Variants in SLIT2 observed in about 807,000 individuals in gnomAD.
The protein encoded by SLIT2 is slit homolog 2 protein.
SLIT2 carries 41 observed loss-of-function variants against 185.7 expected under a neutral mutation model. The ratio of observed to expected loss-of-function variants is 0.22; its 90% confidence interval spans 0.17 to 0.29. SLIT2 has a LOEUF of 0.29. SLIT2 is among the 10% of genes least tolerant of loss of function. The probability of loss-of-function intolerance (pLI) is 1.00; values close to 1 mark genes in which losing one functional copy is unlikely to be tolerated. For missense variants in SLIT2, 1,571 were observed against 1,909.0 expected, an observed-to-expected ratio of 0.82 and a Z score of 3.30; for synonymous variants, 693 against 680.2, an observed-to-expected ratio of 1.02 and a Z score of -0.29.
rs556541446 is a variant in SLIT2 at position 20,298,813 on chromosome 4, A to G, written c.395+29932A>G. ...TTTGTTTTCCCCTTCACAATGTCTT[A>G]TTTCAATAAAAACTTTATAGTTTTT... On this transcript the variant is annotated intron_variant, in intron 4 of 36. Coordinates refer to ENST00000504154, the MANE Select transcript of SLIT2 (RefSeq NM_004787.4). 2.8e-4 allele frequency among the ~76,000 whole-genome samples: 42 copies of G among 152,246 alleles called. 1 individual carries two copies. The South Asian group carries it at 8.5e-3, about 31-fold the overall frequency.
chr4:20,358,854 A>G (rs1398015918), intron 4 of SLIT2, among the ~76,000 whole-genome samples: 6 of 152,156 alleles, frequency 3.9e-5, no homozygotes, highest in African/African-American at 1.4e-4. Context: ...GGATTGTTCA[A>G]GTCAATAGTG....
intron 9 of SLIT2, among the ~76,000 whole-genome samples, chr4:20,503,149 T>A (rs1204229614): frequency 6.6e-6 from 1 of 152,200 alleles, no homozygotes; most frequent in Non-Finnish European, 1.5e-5. Flanking sequence ...TGTTATAGAT[T>A]GATGATTAAT....
chr4:20,457,001 A>G (rs528393153), intron 4 of SLIT2, among the ~76,000 whole-genome samples: 1 of 152,146 alleles, frequency 6.6e-6, no homozygotes, highest in Non-Finnish European at 1.5e-5. Context: ...AGAGCAAGTC[A>G]TCATTGTTTT....
At chr4:20,472,363 TAG>T (rs1715314056) in intron 5 of SLIT2, among the ~76,000 whole-genome samples, 1 of 41,120 alleles carries the variant, frequency 2.4e-5, no homozygotes, top group African/African-American at 1.1e-4. Flanking sequence ...GATATCTATA[TAG>T]ATATCTATAT....
At chr4:20,482,313 A>G (rs1465317888) in intron 6 of SLIT2, among the ~76,000 whole-genome samples, 1 of 152,022 alleles carries the variant, frequency 6.6e-6, no homozygotes, top group African/African-American at 2.4e-5. Flanking sequence ...CCTTGTTATT[A>G]AGTTTTCAGA....
At chr4:20,561,539 CA>C (rs1724692335) in intron 26 of SLIT2, among the ~76,000 whole-genome samples, 1 of 151,580 alleles carries the variant, frequency 6.6e-6, no homozygotes, top group Non-Finnish European at 1.5e-5. Context: ...CAACCTAAAG[CA>C]ATGAAAAATT....
chr4:20,542,812 C>CTGTGTGTGTG (rs753747459), intron 21 of SLIT2, among the ~76,000 whole-genome samples, 186 bp downstream of exon 21: 41 of 111,050 alleles, frequency 3.7e-4, no homozygotes, highest in African/African-American at 7.0e-4. Flanking sequence ...TTGGGAATTG[C>CTGTGTGTGTG]TGTGTGTGTG....
At chr4:20,534,369 G>C (rs1396818283) in intron 18 of SLIT2, among the ~76,000 whole-genome samples, 1 of 152,000 alleles carries the variant, frequency 6.6e-6, no homozygotes, top group Non-Finnish European at 1.5e-5. Context: ...TAGGGTGTTT[G>C]GGGGAAAAAA....
intron 4 of SLIT2, among the ~76,000 whole-genome samples, chr4:20,304,764 C>T: frequency 6.6e-6 from 1 of 152,096 alleles, no homozygotes; most frequent in East Asian, 1.9e-4. Context: ...TTCCAACCAT[C>T]CCCTCACCCC....
intron 4 of SLIT2, among the ~76,000 whole-genome samples, chr4:20,408,213 A>C (rs1316751711): frequency 1.3e-5 from 2 of 152,192 alleles, no homozygotes; most frequent in African/African-American, 4.8e-5. Context: ...TGTAATATCC[A>C]GACCATCAGA....
intron 4 of SLIT2, among the ~76,000 whole-genome samples, chr4:20,388,216 T>G (rs1725088443): frequency 6.6e-6 from 1 of 152,144 alleles, no homozygotes; most frequent in Non-Finnish European, 1.5e-5. Context: ...TTGGGCTTCA[T>G]TAAAATTTAA....
Position 20,253,405 on chromosome 4 carries a change from G to A in SLIT2, c.-411G>A, listed in dbSNP as rs144841152. The stretch of plus-strand genomic sequence containing the variant: ...TGGCATCGGATTTGCAGAAGCGTGC[G>A]TGGGATCAGAGGACCGCCCTCCCCA... On this transcript the variant is annotated 5_prime_UTR_variant, in exon 1 of 37. In the 5' UTR this introduces an upstream ATG that the reference lacks. Coordinates refer to ENST00000504154, the MANE Select transcript of SLIT2 (RefSeq NM_004787.4). 39 of 203,724 alleles carry A rather than the reference G, an allele frequency of 1.9e-4. No homozygotes were observed. The highest frequency in any genetic ancestry group is 3.2e-4 in the Non-Finnish European group (32 of 100,664). 12.6% of individuals were successfully genotyped at this position (203,724 alleles called of 1,614,324 possible). A position where few individuals can be genotyped will look rare whatever the true frequency, so the allele number is the denominator to read the frequency against.
At chr4:20,314,444 C>T (rs1012171190) in intron 4 of SLIT2, among the ~76,000 whole-genome samples, 2 of 152,084 alleles carry the variant, frequency 1.3e-5, no homozygotes, top group African/African-American at 4.8e-5. Context: ...TTACTGAGTT[C>T]CTGATTGCCA....
intron 4 of SLIT2, among the ~76,000 whole-genome samples, chr4:20,431,251 A>G (rs560691939): frequency 6.6e-6 from 1 of 152,342 alleles, no homozygotes; most frequent in Admixed American, 6.5e-5. Flanking sequence ...CTAATGGAAA[A>G]AAGTTGACTT....
rs1449878682 is a variant in SLIT2 at position 20,476,493 on chromosome 4, T to G, written c.468-4223T>G. On this transcript the variant is annotated intron_variant, in intron 5 of 36. Transcript: ENST00000504154. ...TTAAATGAAACAAAACAATACAAAATTGGAGCATAGTTATAATAATTTTGT... is the reference window on the plus strand; with the variant it reads ...TTAAATGAAACAAAACAATACAAAAGTGGAGCATAGTTATAATAATTTTGT... Among the ~76,000 whole-genome samples, 5 of 152,124 alleles carry G rather than the reference T, an allele frequency of 3.3e-5. No individual in the cohort carries two copies. In the East Asian group the frequency reaches 9.6e-4, roughly 29 times the overall value.
At chr4:20,263,248 T>C (rs17534799) in intron 3 of SLIT2, among the ~76,000 whole-genome samples, 2,991 of 151,924 alleles carry the variant, frequency 0.02, 61 homozygotes, top group South Asian at 0.07. Flanking sequence ...CCAAGTGTTA[T>C]CTGCTGGACT....
At chr4:20,515,751 T>C (rs188307631) in intron 11 of SLIT2, among the ~76,000 whole-genome samples, 2 of 152,318 alleles carry the variant, frequency 1.3e-5, no homozygotes, top group Admixed American at 6.5e-5. Context: ...AACACCTTTT[T>C]CATGATAGTC....
intron 3 of SLIT2, among the ~76,000 whole-genome samples, chr4:20,264,301 T>A (rs1413655018): frequency 6.6e-6 from 1 of 151,866 alleles, no homozygotes; most frequent in Non-Finnish European, 1.5e-5. Context: ...TAAATAGTTT[T>A]ATGCTTGATC....
intron 29 of SLIT2, among the ~76,000 whole-genome samples, chr4:20,572,435 G>T (rs528894809): frequency 1.3e-5 from 2 of 152,232 alleles, no homozygotes; most frequent in East Asian, 3.9e-4. Flanking sequence ...TAGCTTGAGA[G>T]AATTTTGTTG....
Sources: gnomAD v4.1 joint callset for allele counts (sites outside exome capture counted in the v4.1 genomes callset) on GRCh38, gnomAD v4.1.1 for gene constraint, MANE v1.5 for transcripts, NCBI Gene and HGNC (gene_info 2026-07-23, HGNC 2026-07-21) for gene names.